Variants in UNC5C observed in about 807,000 individuals in gnomAD.
UNC5C encodes the protein netrin receptor UNC5C.
In UNC5C, 47 loss-of-function variants were observed where a neutral mutation model predicts 99.8. The observed-to-expected ratio is 0.47, with a 90% confidence interval of 0.37 to 0.60. The LOEUF is 0.60. Among genes scored for constraint, UNC5C ranks in the 20% least tolerant of loss-of-function variants. The pLI, the probability that UNC5C is intolerant of heterozygous loss-of-function variation, is 0.00. For synonymous variants in UNC5C, 487 were observed against 452.2 expected (o/e 1.08, Z -0.98); for missense variants, 1,062 against 1,165.9 (o/e 0.91, Z 1.30).
chr4:95,247,352 T>C (rs1739539639), intron 5 of UNC5C, among the ~76,000 whole-genome samples: 1 of 151,988 alleles, frequency 6.6e-6, no homozygotes, highest in African/African-American at 2.4e-5. Flanking sequence ...AGATGGTAGA[T>C]AGGTAGGGTT....
At chr4:95,241,665 T>C (rs1335765395) in intron 7 of UNC5C, among the ~76,000 whole-genome samples, 3 of 152,148 alleles carry the variant, frequency 2.0e-5, no homozygotes, top group Non-Finnish European at 2.9e-5. Context: ...AATACCTCAA[T>C]TTATGGTCAT....
intron 1 of UNC5C, among the ~76,000 whole-genome samples, chr4:95,344,654 A>G (rs1743703297): frequency 6.6e-6 from 1 of 152,150 alleles, no homozygotes; most frequent in African/African-American, 2.4e-5. Flanking sequence ...CATAGACAGT[A>G]CAATAAAGAA....
intron 1 of UNC5C, among the ~76,000 whole-genome samples, chr4:95,462,675 A>G (rs1747640339): frequency 6.6e-6 from 1 of 152,190 alleles, no homozygotes; most frequent in African/African-American, 2.4e-5. Context: ...AGAAACTACA[A>G]CCATCACTAG....
At chr4:95,533,324 A>C (rs1230588769) in intron 1 of UNC5C, among the ~76,000 whole-genome samples, 1 of 152,004 alleles carries the variant, frequency 6.6e-6, no homozygotes, top group Non-Finnish European at 1.5e-5. Context: ...TGAAACCGGA[A>C]GGCAGAGGTT....
intron 10 of UNC5C, among the ~76,000 whole-genome samples, chr4:95,210,024 G>A (rs1038936087): frequency 3.9e-5 from 6 of 152,124 alleles, no homozygotes; most frequent in Non-Finnish European, 5.9e-5. Flanking sequence ...GTTAGCAGCC[G>A]GTGCTTGAGG....
intron 7 of UNC5C, among the ~76,000 whole-genome samples, chr4:95,238,119 CTATAATTATGAT>C (rs1448683801): frequency 6.6e-6 from 1 of 152,108 alleles, no homozygotes; most frequent in Non-Finnish European, 1.5e-5. Flanking sequence ...CAATCTTTTC[CTATAATTATGAT>C]TTAAGTATGT....
At chr4:95,419,472 T>C (rs1210155061) in intron 1 of UNC5C, among the ~76,000 whole-genome samples, 2 of 152,144 alleles carry the variant, frequency 1.3e-5, no homozygotes, top group Non-Finnish European at 1.5e-5. Flanking sequence ...CTTCTGGCTT[T>C]TTGAGAAAAG....
At chr4:95,176,564 G>A (rs1353341532) in intron 14 of UNC5C, among the ~76,000 whole-genome samples, 1 of 151,980 alleles carries the variant, frequency 6.6e-6, no homozygotes, top group African/African-American at 2.4e-5. Context: ...CAGGGGTAGG[G>A]GTCAGGGACC....
intron 1 of UNC5C, among the ~76,000 whole-genome samples, chr4:95,377,452 T>G (rs1432125359): frequency 1.3e-5 from 2 of 152,170 alleles, no homozygotes; most frequent in Non-Finnish European, 1.5e-5. Flanking sequence ...AAAATCCCTC[T>G]AATTGGGTGA....
intron 1 of UNC5C, among the ~76,000 whole-genome samples, chr4:95,356,431 A>G (rs1744207317): frequency 6.6e-6 from 1 of 152,144 alleles, no homozygotes; most frequent in Non-Finnish European, 1.5e-5. Context: ...CTTGGGAGGC[A>G]TCAGCAAGTG....
rs776512463 is a variant in UNC5C, at chr4:95,219,402, G to T, written c.1301-89C>A. The T allele has an allele frequency of 1.1e-5, 14 of 1,298,470 alleles. No individual in the cohort carries two copies. In the South Asian group the frequency reaches 1.4e-4, roughly 13 times the overall value. The allele number at this position is 1,298,470 out of a possible 1,614,324, so 80.4% of individuals were successfully genotyped here. ...GACTCCCCCTCACACTTTCTGAGCCGAAAGTAAAGCAGCTCAGCTAATATC... is the reference window on the plus strand; with the variant it reads ...GACTCCCCCTCACACTTTCTGAGCCTAAAGTAAAGCAGCTCAGCTAATATC... On this transcript the variant is annotated intron_variant, in intron 8 of 15. Transcript: ENST00000453304.
intron 1 of UNC5C, among the ~76,000 whole-genome samples, chr4:95,448,117 T>G (rs1348822486): frequency 1.3e-5 from 2 of 151,890 alleles, no homozygotes; most frequent in Admixed American, 1.3e-4. Flanking sequence ...AGTCTCACCC[T>G]GATATGTCAG....
intron 1 of UNC5C, among the ~76,000 whole-genome samples, chr4:95,366,755 T>C (rs1408025015): frequency 6.6e-6 from 1 of 152,202 alleles, no homozygotes; most frequent in Non-Finnish European, 1.5e-5. Flanking sequence ...TGTTTCTTTT[T>C]TAATTGTTAA....
intron 1 of UNC5C, among the ~76,000 whole-genome samples, chr4:95,437,387 A>C (rs1293902270): frequency 6.6e-6 from 1 of 151,974 alleles, no homozygotes; most frequent in Non-Finnish European, 1.5e-5. Context: ...TAAGACCAAT[A>C]ATTCCATTTA....
At chr4:95,356,262 G>T (rs187452012) in intron 1 of UNC5C, among the ~76,000 whole-genome samples, 28 of 148,108 alleles carry the variant, frequency 1.9e-4, no homozygotes, top group African/African-American at 6.5e-4. Context: ...CTTTCCTATG[G>T]TATACAAAAT....
intron 1 of UNC5C, among the ~76,000 whole-genome samples, chr4:95,481,021 G>A (rs1721135329): frequency 6.7e-6 from 1 of 149,924 alleles, no homozygotes; most frequent in Non-Finnish European, 1.5e-5. Flanking sequence ...CAATTAGGCA[G>A]GAGAAGGAAA....
At chr4:95,464,411 G>A (rs961073544) in intron 1 of UNC5C, among the ~76,000 whole-genome samples, 3 of 152,170 alleles carry the variant, frequency 2.0e-5, no homozygotes, top group African/African-American at 7.2e-5. Context: ...ATTAAGAAGA[G>A]TCTGATTAGA....
intron 2 of UNC5C, among the ~76,000 whole-genome samples, chr4:95,318,801 T>G (rs1232426117): frequency 6.6e-6 from 1 of 152,230 alleles, no homozygotes; most frequent in Non-Finnish European, 1.5e-5. Flanking sequence ...GCTATCCTTC[T>G]GCTTTAGCAG....
At chr4:95,248,211 G>T in intron 5 of UNC5C, 1 of 242,590 alleles carries the variant, frequency 4.1e-6, no homozygotes, top group Non-Finnish European at 8.1e-6. Context: ...ACTCTTTTAG[G>T]ATTTTTTTTT....
Sources: allele counts gnomAD v4.1 joint callset (sites outside exome capture counted in the v4.1 genomes callset), GRCh38; gene constraint gnomAD v4.1.1; transcripts MANE v1.5; gene names NCBI Gene and HGNC (gene_info 2026-07-23, HGNC 2026-07-21).